Variants in VPS8 observed in about 807,000 individuals in gnomAD.
The protein encoded by VPS8 is VPS8 subunit of CORVET complex.
VPS8 carries 129 observed loss-of-function variants against 216.4 expected under a neutral mutation model. The ratio of observed to expected loss-of-function variants is 0.60; its 90% CI spans 0.52 to 0.69. The LOEUF is 0.69. Among genes scored for constraint, VPS8 ranks in the 30% least tolerant of loss-of-function variants. VPS8 has a pLI of 0.00. For missense variants in VPS8, 1,531 were observed against 1,683.5 expected, an observed-to-expected ratio of 0.91 and a Z score of 1.59; for synonymous variants, 571 against 565.4, an observed-to-expected ratio of 1.01 and a Z score of -0.14.
intron 28 of VPS8, among the ~76,000 whole-genome samples, chr3:184,917,552 C>T (rs1737821820): frequency 6.6e-6 from 1 of 152,120 alleles, no homozygotes; most frequent in South Asian, 2.1e-4. Context: ...GCCTCAGCCT[C>T]CCCAGTAGCC....
intron 46 of VPS8, among the ~76,000 whole-genome samples, chr3:185,045,914 C>T (rs1467054): frequency 0.48 from 72,938 of 152,034 alleles, 17,816 homozygotes; most frequent in East Asian, 0.67. Context: ...AGCCCAACAC[C>T]CCTCTCCCTG....
chr3:184,949,970 C>T (rs1241110769), intron 36 of VPS8, among the ~76,000 whole-genome samples: 2 of 151,822 alleles, frequency 1.3e-5, no homozygotes, highest in Non-Finnish European at 2.9e-5. Context: ...AGTGCAGTGG[C>T]GTGATTTCGG....
intron 36 of VPS8, among the ~76,000 whole-genome samples, chr3:184,948,318 C>G (rs143623098): frequency 2.6e-5 from 4 of 151,650 alleles, no homozygotes; most frequent in African/African-American, 9.7e-5. Context: ...TCAAGACCAG[C>G]CTGGGCAACA....
intron 25 of VPS8, 66 bp downstream of exon 25, chr3:184,901,038 A>G: frequency 2.1e-6 from 3 of 1,448,148 alleles, no homozygotes; most frequent in Non-Finnish European, 2.9e-6. Flanking sequence ...AATGTTACAA[A>G]ATTGGCCAAT....
Position 184,852,583 on chromosome 3 carries a change from A to C in VPS8, c.821+16A>C, listed in dbSNP as rs1297589618. The C allele has an allele frequency of 6.2e-7, 1 of 1,608,646 alleles. No homozygotes were observed. Among genetic ancestry groups the C allele is most frequent in the Non-Finnish European group, 8.5e-7 (1 of 1,177,268 alleles). On this transcript the variant is annotated intron_variant, in intron 11 of 47. Transcript: ENST00000625842. Reference sequence around the variant, plus strand: ...TGACATTTAAGTAAGAGACTAGTGGACATTTGTTGACAAATGAAAAGACTA... The same window carrying C: ...TGACATTTAAGTAAGAGACTAGTGGCCATTTGTTGACAAATGAAAAGACTA...
At chr3:185,032,858 G>A (rs1282367198) in intron 46 of VPS8, among the ~76,000 whole-genome samples, 4 of 152,002 alleles carry the variant, frequency 2.6e-5, no homozygotes, top group Non-Finnish European at 4.4e-5. Flanking sequence ...TAGTAGAGAC[G>A]GGGTTTCACC....
chr3:184,942,987 A>T (rs1393398462), intron 36 of VPS8, among the ~76,000 whole-genome samples: 1 of 152,152 alleles, frequency 6.6e-6, no homozygotes, highest in African/African-American at 2.4e-5. Flanking sequence ...GTTGTTAGAA[A>T]AAGTTTTGAT....
rs150625489 is a variant in VPS8, at chr3:185,015,418, C to T, written c.4003-8918C>T. 5.1e-3 allele frequency among the ~76,000 whole-genome samples: 782 copies of T among 152,274 alleles called. 5 individuals carry two copies. The highest frequency in any genetic ancestry group is 0.012 in the African/African-American group (510 of 41,550). On this transcript the variant is annotated intron_variant, in intron 45 of 47. Coordinates refer to ENST00000625842, the MANE Select transcript of VPS8 (RefSeq NM_001009921.3). Reference sequence around the variant, plus strand: ...TCAATTAACTGTGTGGAATGAACCACGTATGAAGAATCAGAAATCACATTA... The same window carrying T: ...TCAATTAACTGTGTGGAATGAACCATGTATGAAGAATCAGAAATCACATTA...
At chr3:184,916,937 G>A (rs1430173582) in intron 28 of VPS8, among the ~76,000 whole-genome samples, 1 of 152,208 alleles carries the variant, frequency 6.6e-6, no homozygotes, top group Non-Finnish European at 1.5e-5. Flanking sequence ...AAATATTTGA[G>A]TGCATGGTAT....
At chr3:184,903,598 A>C (rs1734965813) in intron 25 of VPS8, among the ~76,000 whole-genome samples, 1 of 151,252 alleles carries the variant, frequency 6.6e-6, no homozygotes, top group Admixed American at 6.6e-5. Flanking sequence ...ACTACAGGCC[A>C]CCATGCCCTG....
chr3:184,894,403 T>G (rs960869516), intron 22 of VPS8, among the ~76,000 whole-genome samples: 4 of 151,862 alleles, frequency 2.6e-5, no homozygotes, highest in Non-Finnish European at 4.4e-5. Context: ...CTTTTGTTTG[T>G]TAGATATGTC....
At chr3:184,916,944 G>A (rs1737699325) in intron 28 of VPS8, among the ~76,000 whole-genome samples, 1 of 152,148 alleles carries the variant, frequency 6.6e-6, no homozygotes, top group African/African-American at 2.4e-5. Flanking sequence ...TGAGTGCATG[G>A]TATATCCCAT....
Position 184,842,104 on chromosome 3 carries a change from G to A in VPS8, c.536-1136G>A, listed in dbSNP as rs189907750. On this transcript the variant is annotated intron_variant, in intron 7 of 47. Coordinates refer to ENST00000625842, the MANE Select transcript of VPS8 (RefSeq NM_001009921.3). ...ATGTTATAAGAATATGTGGAATGGCGTGAACCCGGGAGGCGGAGCTTGCAG... is the reference window on the plus strand; with the variant it reads ...ATGTTATAAGAATATGTGGAATGGCATGAACCCGGGAGGCGGAGCTTGCAG... Among the ~76,000 whole-genome samples the A allele has an allele frequency of 1.2e-3, 176 of 148,732 alleles. 1 individual carries two copies. The highest frequency in any genetic ancestry group is 4.2e-3 in the African/African-American group (170 of 40,310).
intron 46 of VPS8, among the ~76,000 whole-genome samples, chr3:185,031,077 T>C (rs1045766177): frequency 6.8e-6 from 1 of 147,902 alleles, no homozygotes; most frequent in South Asian, 2.2e-4. Context: ...TTTTTTTTTT[T>C]TTTTTTTTTT....
At chr3:185,008,934 A>C (rs1754616222) in intron 45 of VPS8, among the ~76,000 whole-genome samples, 1 of 152,248 alleles carries the variant, frequency 6.6e-6, no homozygotes, top group Non-Finnish European at 1.5e-5. Flanking sequence ...AGGGAGAGTA[A>C]CATGAGGGAA....
intron 25 of VPS8, among the ~76,000 whole-genome samples, chr3:184,909,131 G>A (rs368028697): frequency 2.0e-5 from 3 of 152,274 alleles, no homozygotes; most frequent in African/African-American, 7.2e-5. Flanking sequence ...AACCCACTGT[G>A]TTCCACTTGT....
intron 18 of VPS8, chr3:184,868,443 G>C (rs972387501): frequency 5.4e-6 from 1 of 185,300 alleles, no homozygotes; most frequent in African/African-American, 2.4e-5. Context: ...TAGAGCTCCA[G>C]CTGTTACCAC....
At chr3:184,945,155 TTCTC>T (rs374772641) in intron 36 of VPS8, among the ~76,000 whole-genome samples, 6 of 151,186 alleles carry the variant, frequency 4.0e-5, no homozygotes, top group East Asian at 3.9e-4. Context: ...CTCTCTCTCT[TTCTC>T]TCTCTCTCTC....
At chr3:184,974,628 TG>T (rs1375862573) in intron 40 of VPS8, among the ~76,000 whole-genome samples, 1 of 152,168 alleles carries the variant, frequency 6.6e-6, no homozygotes, top group African/African-American at 2.4e-5. Context: ...GTAAAATTTT[TG>T]TCTAGACCAA....
Sources: gnomAD v4.1 joint callset for allele counts (sites outside exome capture counted in the v4.1 genomes callset) on GRCh38, gnomAD v4.1.1 for gene constraint, MANE v1.5 for transcripts, NCBI Gene and HGNC (gene_info 2026-07-23, HGNC 2026-07-21) for gene names.